PLA2G15: variants seen among roughly 807,000 people sequenced by gnomAD.
PLA2G15 encodes the protein lysosomal phospholipase A and acyltransferase.
Under a neutral mutation model 40.9 loss-of-function variants are expected in PLA2G15, and 20 were observed. The ratio of observed to expected loss-of-function variants is 0.49; its 90% CI spans 0.34 to 0.71. The LOEUF (loss-of-function observed/expected upper bound fraction) is 0.71, where lower values mean the gene tolerates loss of function less well. PLA2G15 is among the 30% of genes least tolerant of loss of function. The pLI, the probability that PLA2G15 is intolerant of heterozygous loss-of-function variation, is 0.01. For synonymous variants in PLA2G15, 223 were observed against 228.2 expected, an observed-to-expected ratio of 0.98 and a Z score of 0.21; for missense variants, 471 against 541.9, an observed-to-expected ratio of 0.87 and a Z score of 1.30.
Position 68,251,442 on chromosome 16 carries a change from G to A in PLA2G15, c.284+1996G>A, listed in dbSNP as rs188336410. 4.7e-4 allele frequency among the ~76,000 whole-genome samples: 71 copies of A among 152,292 alleles called. 1 individual carries two copies. The highest frequency in any genetic ancestry group is 1.9e-3 in the South Asian group (9 of 4,826). ...CATGCCTGTAATCCCAGCACTTTGG[G>A]AGGCTGAGGTGGACAGATCATGAGG... On this transcript the variant is annotated intron_variant, in intron 2 of 5. Transcript: ENST00000219345.
At chr16:68,251,952 G>A (rs2042358432) in intron 2 of PLA2G15, among the ~76,000 whole-genome samples, 1 of 151,572 alleles carries the variant, frequency 6.6e-6, no homozygotes, top group Non-Finnish European at 1.5e-5. Flanking sequence ...CCATTTTGAT[G>A]ACTCCTTCCT....
At chr16:68,247,770 A>G (rs1333940791) in intron 1 of PLA2G15, among the ~76,000 whole-genome samples, 2 of 152,214 alleles carry the variant, frequency 1.3e-5, no homozygotes, top group Admixed American at 1.3e-4. Flanking sequence ...GGGTGGATTT[A>G]CGGTCAGTTC....
chr16:68,249,281 C>A lies in PLA2G15; in HGVS notation c.128-9C>A. On this transcript the variant is annotated splice_polypyrimidine_tract_variant and intron_variant, in intron 1 of 5. Coordinates refer to ENST00000219345, the MANE Select transcript of PLA2G15 (RefSeq NM_012320.4). Reference sequence around the variant, plus strand: ...CTGAGGGCTCACACATGTCCTGTGCCCCCTGCAGTCCCTGGTGATTTGGGT... The same window carrying A: ...CTGAGGGCTCACACATGTCCTGTGCACCCTGCAGTCCCTGGTGATTTGGGT... 1 of 1,613,718 alleles carries A rather than the reference C, an allele frequency of 6.2e-7. No individual in the cohort carries two copies. The highest frequency in any genetic ancestry group is 8.5e-7 in the Non-Finnish European group (1 of 1,179,654).
chr16:68,257,660 C>G (rs1195821560), intron 5 of PLA2G15, among the ~76,000 whole-genome samples: 1 of 152,182 alleles, frequency 6.6e-6, no homozygotes, highest in East Asian at 1.9e-4. Flanking sequence ...GCTTGACCTG[C>G]TTGGTCTACT....
intron 2 of PLA2G15, among the ~76,000 whole-genome samples, chr16:68,251,554 C>T (rs1363951235): frequency 8.5e-5 from 13 of 152,108 alleles, no homozygotes; most frequent in Non-Finnish European, 1.2e-4. Context: ...TGGTGGCTCA[C>T]GCCTGTAATC....
chr16:68,248,113 G>C (rs1327255089), intron 1 of PLA2G15, among the ~76,000 whole-genome samples: 1 of 152,216 alleles, frequency 6.6e-6, no homozygotes, highest in African/African-American at 2.4e-5. Flanking sequence ...CAGATGATCT[G>C]CTCTCTGGCA....
At chr16:68,246,961 A>G (rs1173649409) in intron 1 of PLA2G15, among the ~76,000 whole-genome samples, 1 of 152,098 alleles carries the variant, frequency 6.6e-6, no homozygotes, top group African/African-American at 2.4e-5. Context: ...ATTAGGAAGC[A>G]TGTGGTCTGT....
chr16:68,255,871 A>G lies in PLA2G15; in HGVS notation c.608A>G (p.Tyr203Cys), dbSNP rs2151205261. ...GTTGCCCACAGTATGGGCAACATGT[A>G]CACGCTCTACTTTCTGCAGCGGCAG... is the stretch of plus-strand genomic sequence containing the variant. ...VLVAHSMGNM[Y>C]TLYFLQRQPQ... Residue 203 changes from tyrosine to cysteine, a missense_variant, in exon 5 of 6, where the codon TAC (tyrosine) becomes TGC (cysteine). Physicochemically the swap from Tyr to Cys is radical, Grantham distance 194. Coordinates refer to ENST00000219345, the MANE Select transcript of PLA2G15 (RefSeq NM_012320.4). This position sits in a 1 kb window ranked among gnomAD's most constrained non-coding sequence, Gnocchi z 5.9. The G allele has an allele frequency of 6.2e-7, 1 of 1,614,084 alleles. No individual in the cohort carries two copies. The highest frequency in any genetic ancestry group is 8.5e-7 in the Non-Finnish European group (1 of 1,179,986).
At position 68,245,384 on chromosome 16, in the gene PLA2G15, G is replaced by T. The variant is rs761097788; in HGVS notation, c.-43G>T. ...GCCCCCGCCTAGGCGAGAGCCCAGA[G>T]AGCTGAACCTGCATCCCGGACCTGC... On this transcript the variant is annotated 5_prime_UTR_variant, in exon 1 of 6. Coordinates refer to ENST00000219345, the MANE Select transcript of PLA2G15 (RefSeq NM_012320.4). 5 of 1,595,136 alleles carry T rather than the reference G, an allele frequency of 3.1e-6. No individual in the cohort carries two copies. Among genetic ancestry groups the T allele is most frequent in the South Asian group, 2.2e-5 (2 of 90,866 alleles).
chr16:68,253,023 C>G (rs1311025840), intron 2 of PLA2G15, among the ~76,000 whole-genome samples: 1 of 152,084 alleles, frequency 6.6e-6, no homozygotes, highest in African/African-American at 2.4e-5. Flanking sequence ...GATCTTAAGT[C>G]AGTAGCTGGT....
intron 1 of PLA2G15, among the ~76,000 whole-genome samples, chr16:68,245,897 T>C (rs1232694000): frequency 6.6e-6 from 1 of 152,014 alleles, no homozygotes; most frequent in African/African-American, 2.4e-5. Flanking sequence ...TGAGGGATGG[T>C]GGGGGTGTGT....
chr16:68,255,219 G>A lies in PLA2G15; in HGVS notation c.404-63G>A. On this transcript the variant is annotated intron_variant, in intron 3 of 5. Coordinates refer to ENST00000219345, the MANE Select transcript of PLA2G15 (RefSeq NM_012320.4). This position sits in a 1 kb window ranked among gnomAD's most constrained non-coding sequence, Gnocchi z 5.9. ...GCTAGCTGTCACAGTCTCCATGCTG[G>A]GCATAGTGTAGGTGGCCGGCACTAG... The A allele has an allele frequency of 8.2e-7, 1 of 1,226,324 alleles. No homozygotes were observed. The highest frequency in any genetic ancestry group is 1.2e-5 in the South Asian group (1 of 82,392). The allele number at this position is 1,226,324 out of a possible 1,614,324, so 76.0% of individuals were successfully genotyped here.
At position 68,255,214 on chromosome 16, in the gene PLA2G15, T is replaced by C; in HGVS notation, c.404-68T>C. 8.3e-7 allele frequency: 1 copy of C among 1,198,640 alleles called. No individual in the cohort carries two copies. Among genetic ancestry groups the C allele is most frequent in the East Asian group, 2.3e-5 (1 of 42,742 alleles). The allele number at this position is 1,198,640 out of a possible 1,614,324, so 74.3% of individuals were successfully genotyped here. A position where few individuals can be genotyped will look rare whatever the true frequency, so the allele number is the denominator to read the frequency against. Reference sequence around the variant, plus strand: ...GACCTGCTAGCTGTCACAGTCTCCATGCTGGGCATAGTGTAGGTGGCCGGC... The same window carrying C: ...GACCTGCTAGCTGTCACAGTCTCCACGCTGGGCATAGTGTAGGTGGCCGGC... On this transcript the variant is annotated intron_variant, in intron 3 of 5. Coordinates refer to ENST00000219345, the MANE Select transcript of PLA2G15 (RefSeq NM_012320.4). This position sits in a 1 kb window ranked among gnomAD's most constrained non-coding sequence, Gnocchi z 5.9.
At position 68,255,162 on chromosome 16, in the gene PLA2G15, C is replaced by A; in HGVS notation, c.404-120C>A. 1 of 975,234 alleles carries A rather than the reference C, an allele frequency of 1.0e-6. No homozygotes were observed. The highest frequency in any genetic ancestry group is 1.8e-5 in the Admixed American group (1 of 54,494). The allele number at this position is 975,234 out of a possible 1,614,324, so 60.4% of individuals were successfully genotyped here. Reference sequence around the variant, plus strand: ...GTGAGCTGTCTCTGATCAGCGTGGGCACAGAGCCCTGTAGCATTCTTCCAA... The same window carrying A: ...GTGAGCTGTCTCTGATCAGCGTGGGAACAGAGCCCTGTAGCATTCTTCCAA... On this transcript the variant is annotated intron_variant, in intron 3 of 5. Coordinates refer to ENST00000219345, the MANE Select transcript of PLA2G15 (RefSeq NM_012320.4). The surrounding 1 kb of genome is among the most constrained non-coding windows in gnomAD (Gnocchi z 5.9).
intron 2 of PLA2G15, among the ~76,000 whole-genome samples, chr16:68,252,004 A>G (rs755745699): frequency 2.0e-5 from 3 of 150,892 alleles, no homozygotes; most frequent in Non-Finnish European, 4.4e-5. Flanking sequence ...TGGGCTGTTG[A>G]TGTGCATTTC....
At chr16:68,250,250 G>A (rs1272558329) in intron 2 of PLA2G15, 4 of 348,974 alleles carry the variant, frequency 1.1e-5, no homozygotes, top group Admixed American at 4.2e-5. Context: ...GCGCGATCTC[G>A]GCTCACAACT....
Position 68,245,552 on chromosome 16 carries a change from G to T in PLA2G15, c.126G>T (p.Leu42=). ...LPAGRHPPVV[L]VPGDLGNQLE... The stretch of plus-strand genomic sequence containing the variant: ...CCGGACGTCACCCCCCAGTGGTGCT[G>T]GGTGAGGCACGGGTCTCGTGGTGGA... The change falls in exon 1 of 6, where the codon CTG becomes CTT. Residue 42 remains leucine, a splice_region_variant and synonymous_variant. Coordinates refer to ENST00000219345, the MANE Select transcript of PLA2G15 (RefSeq NM_012320.4). 6.3e-7 allele frequency: 1 copy of T among 1,576,866 alleles called. No homozygotes were observed. The highest frequency in any genetic ancestry group is 1.3e-5 in the African/African-American group (1 of 74,090).
chr16:68,256,219 G>C, intron 5 of PLA2G15: 3 of 494,512 alleles, frequency 6.1e-6, no homozygotes, highest in Non-Finnish European at 1.1e-5. Context: ...CTGTGTCTCA[G>C]GTGGGGGCAA....
Position 68,259,338 on chromosome 16 carries a change from G to A in PLA2G15, c.920G>A (p.Gly307Asp), listed in dbSNP as rs1215916321. The change falls in exon 6 of 6, where the codon GGC becomes GAC. Residue 307 changes from glycine (G) to aspartate (D), a missense_variant. Coordinates refer to ENST00000219345, the MANE Select transcript of PLA2G15 (RefSeq NM_012320.4). The surrounding 1 kb of genome is among the most constrained non-coding windows in gnomAD (Gnocchi z 6.5). ...TTCCAGGACATCGGCTTTGAAGATG[G>A]CTGGCTCATGCGGCAGGACACAGAA... Reference protein sequence around the residue: ...KFFQDIGFEDGWLMRQDTEGL... With the variant: ...KFFQDIGFEDDWLMRQDTEGL... 1 of 1,614,050 alleles carries A rather than the reference G, an allele frequency of 6.2e-7. No individual in the cohort carries two copies. Among genetic ancestry groups the A allele is most frequent in the South Asian group, 1.1e-5 (1 of 91,088 alleles).
Sources: gnomAD v4.1 joint callset for allele counts (sites outside exome capture counted in the v4.1 genomes callset) on GRCh38, gnomAD v4.1.1 for gene constraint, Gnocchi (gnomAD v3.1) non-coding constraint, MANE v1.5 for transcripts, NCBI Gene and HGNC (gene_info 2026-07-23, HGNC 2026-07-21) for gene names.